The following RETSAT variants were observed in gnomAD, a reference collection of about 807,000 sequenced individuals.
RETSAT encodes all-trans-retinol 13,14-reductase.
A neutral mutation model predicts 61.6 loss-of-function variants in RETSAT; 35 were observed. The ratio of observed to expected loss-of-function variants is 0.57; its 90% CI spans 0.43 to 0.75. RETSAT has a LOEUF of 0.75. Ranked by LOEUF, RETSAT falls within the 30% of genes least tolerant of loss-of-function variation. The pLI is 0.00. For missense variants in RETSAT, 670 were observed against 759.5 expected (o/e 0.88, Z 1.38); for synonymous variants, 277 against 310.4 (o/e 0.89, Z 1.13).
At chr2:85,348,777 G>A (rs555452313) in intron 5 of RETSAT, among the ~76,000 whole-genome samples, 53 of 148,886 alleles carry the variant, frequency 3.6e-4, no homozygotes, top group African/African-American at 7.4e-4. Flanking sequence ...TTGAGATGGC[G>A]TCTCGCTCTG....
chr2:85,354,254 G>T, intron 1 of RETSAT, 82 bp downstream of exon 1: 1 of 1,490,188 alleles, frequency 6.7e-7, no homozygotes, highest in South Asian at 1.2e-5. Flanking sequence ...ACGTCTGGTA[G>T]CGGCTGCCTT....
In RETSAT at chr2:85,349,549, G is replaced by T; in HGVS notation, c.832C>A (p.His278Asn). ...ATGTAGTGGTTGACCAGCAGGGCGT[G>T]CATGGAAAAGGCACTGTGGTTGGGG... Reference protein sequence around the residue: ...VTPNHSAFSMHALLVNHYMKG... With the variant: ...VTPNHSAFSMNALLVNHYMKG... The change falls in exon 5 of 11, where the codon CAC (histidine) becomes AAC (asparagine). Residue 278 changes from histidine (H) to asparagine (N), a missense_variant. By Grantham distance (68) the His-to-Asn change is moderately conservative. Coordinates refer to ENST00000295802, the MANE Select transcript of RETSAT (RefSeq NM_017750.4). 6.2e-7 allele frequency: 1 copy of T among 1,614,196 alleles called. No homozygotes were observed. The highest frequency in any genetic ancestry group is 8.5e-7 in the Non-Finnish European group (1 of 1,180,036).
chr2:85,351,305 C>T, intron 2 of RETSAT: 1 of 479,754 alleles, frequency 2.1e-6, no homozygotes, highest in African/African-American at 1.9e-5. Flanking sequence ...GGAGGTGGAT[C>T]ACTTGAGGTC....
chr2:85,349,426 T>A lies in RETSAT; in HGVS notation c.955A>T (p.Thr319Ser). 1 of 1,614,118 alleles carries A rather than the reference T, an allele frequency of 6.2e-7. No homozygotes were observed. The highest frequency in any genetic ancestry group is 8.5e-7 in the Non-Finnish European group (1 of 1,180,012). Residue 319 changes from threonine to serine, a missense_variant, in exon 5 of 11, where the codon ACT (threonine) becomes TCT (serine). Physicochemically the swap from Thr to Ser is moderately conservative, Grantham distance 58. Transcript: ENST00000295802. ...GAGTCCAGCAACACACTCTGCACAG[T>A]GGCCTTTGTGAGGACAGCGCCCCCA... ...RAGGAVLTKA[T>S]VQSVLLDSAG...
At chr2:85,345,688 G>T (rs1052769744) in intron 6 of RETSAT, 9 of 500,326 alleles carry the variant, frequency 1.8e-5, no homozygotes, top group African/African-American at 1.3e-4. Flanking sequence ...CAGCCCAGAA[G>T]GGTGGGAGGA....
chr2:85,350,735 G>A (rs1390856226), intron 3 of RETSAT, 45 bp downstream of exon 3: 7 of 1,611,602 alleles, frequency 4.3e-6, no homozygotes, highest in African/African-American at 4.0e-5. Context: ...AAGAAACCCA[G>A]CCTTATCGAG....
chr2:85,351,546 C>G, intron 2 of RETSAT, 134 bp downstream of exon 2: 1 of 918,704 alleles, frequency 1.1e-6, no homozygotes, highest in Non-Finnish European at 1.7e-6. Flanking sequence ...CTGAAACAAA[C>G]AAAGAAAAAA....
chr2:85,352,502 G>A (rs1006751864), intron 1 of RETSAT, among the ~76,000 whole-genome samples: 5 of 151,840 alleles, frequency 3.3e-5, no homozygotes, highest in African/African-American at 9.7e-5. Context: ...CGCCTGCCTC[G>A]GCCTCCCAAA....
intron 1 of RETSAT, 58 bp downstream of exon 1, chr2:85,354,278 C>T (rs1683384327): frequency 6.2e-7 from 1 of 1,600,058 alleles, no homozygotes; most frequent in Non-Finnish European, 8.5e-7. Context: ...AAAATGAGAA[C>T]CCAAATCTGT....
chr2:85,345,027 CA>C (rs1393182077), intron 6 of RETSAT, among the ~76,000 whole-genome samples: 3 of 152,146 alleles, frequency 2.0e-5, no homozygotes, highest in East Asian at 1.9e-4. Flanking sequence ...GGTCCTGGGA[CA>C]GGGGAGAAGG....
rs1056012655 is a variant in RETSAT, at chr2:85,344,347, T to C, written c.1258A>G (p.Met420Val). Reference protein sequence around the residue: ...VYYDTDMDQAMERYVSMPREE... With the variant: ...VYYDTDMDQAVERYVSMPREE... ...CTGGGCATGGAGACGTAGCGCTCCATCCTGCATGTGACAAGAGTGTGGTGG... is the reference window on the plus strand; with the variant it reads ...CTGGGCATGGAGACGTAGCGCTCCACCCTGCATGTGACAAGAGTGTGGTGG... Residue 420 changes from methionine to valine, a missense_variant and splice_region_variant, in exon 8 of 11, where the codon ATG becomes GTG. Coordinates refer to ENST00000295802, the MANE Select transcript of RETSAT (RefSeq NM_017750.4). 2 of 1,613,722 alleles carry C rather than the reference T, an allele frequency of 1.2e-6. No homozygotes were observed. The highest frequency in any genetic ancestry group is 3.3e-5 in the Admixed American group (2 of 59,984).
Position 85,343,211 on chromosome 2 carries a change from G to T in RETSAT, c.*31C>A. The T allele has an allele frequency of 1.9e-6, 3 of 1,610,608 alleles. No homozygotes were observed. The highest frequency in any genetic ancestry group is 2.5e-6 in the Non-Finnish European group (3 of 1,177,314). ...GTCAAGGGAGATGCCCCAGCCATTGGGCAAATTCCTCTGACTCCTCCCTGA... is the reference window on the plus strand; with the variant it reads ...GTCAAGGGAGATGCCCCAGCCATTGTGCAAATTCCTCTGACTCCTCCCTGA... On this transcript the variant is annotated 3_prime_UTR_variant, in exon 11 of 11. Coordinates refer to ENST00000295802, the MANE Select transcript of RETSAT (RefSeq NM_017750.4).
rs1239004731 is a variant in RETSAT, at chr2:85,342,030, T to C, written c.*1212A>G. On this transcript the variant is annotated 3_prime_UTR_variant, in exon 11 of 11. Transcript: ENST00000295802. ...TTCAGTATATAGTGTTTTACTGAGC[T>C]TCTGCAAATGCCATCACAATAATAG... The C allele has an allele frequency of 2.1e-6, 1 of 465,492 alleles. No individual in the cohort carries two copies. The highest frequency in any genetic ancestry group is 2.0e-5 in the African/African-American group (1 of 50,472). The allele number at this position is 465,492 out of a possible 1,614,324, so 28.8% of individuals were successfully genotyped here.
chr2:85,342,041 C>A lies in RETSAT; in HGVS notation c.*1201G>T. 1 of 445,328 alleles carries A rather than the reference C, an allele frequency of 2.2e-6. No homozygotes were observed. 27.6% of individuals were successfully genotyped at this position (445,328 alleles called of 1,614,324 possible). A position where few individuals can be genotyped will look rare whatever the true frequency, so the allele number is the denominator to read the frequency against. ...GTGTTTTACTGAGCTTCTGCAAATG[C>A]CATCACAATAATAGTTTTGTTTTCT... On this transcript the variant is annotated 3_prime_UTR_variant, in exon 11 of 11. Transcript: ENST00000295802.
rs753609671 is a variant in RETSAT, at chr2:85,345,964, C to A, written c.1117+11G>T. 6.2e-6 allele frequency: 10 copies of A among 1,614,164 alleles called. No homozygotes were observed. The East Asian group carries it at 1.6e-4, about 25-fold the overall frequency. Reference sequence around the variant, plus strand: ...AACCTGCAAGAGGGGCAGTGCAGACCCGCCTTTTACCTGGCAGGCAGCGGG... The same window carrying A: ...AACCTGCAAGAGGGGCAGTGCAGACACGCCTTTTACCTGGCAGGCAGCGGG... On this transcript the variant is annotated intron_variant, in intron 6 of 10. Transcript: ENST00000295802.
rs1285410799 is a variant in RETSAT at position 85,344,069 on chromosome 2, G to A, written c.1463C>T (p.Thr488Ile). 4 of 1,613,938 alleles carry A rather than the reference G, an allele frequency of 2.5e-6. No individual in the cohort carries two copies. Among genetic ancestry groups the A allele is most frequent in the Non-Finnish European group, 3.4e-6 (4 of 1,180,002 alleles). Reference protein sequence around the residue: ...LKGKRGSDYETFKNSFVEASM... With the variant: ...LKGKRGSDYEIFKNSFVEASM... Reference sequence around the variant, plus strand: ...GGCTTCCACAAAGGAGTTTTTGAAGGTCTCATAGTCACTGCCCCGCTTTCC... The same window carrying A: ...GGCTTCCACAAAGGAGTTTTTGAAGATCTCATAGTCACTGCCCCGCTTTCC... Residue 488 changes from threonine (T) to isoleucine (I), a missense_variant, in exon 9 of 11, where the codon ACC (threonine) becomes ATC (isoleucine). Thr to Ile is a moderately conservative substitution (Grantham distance 89). Transcript: ENST00000295802.
Position 85,350,984 on chromosome 2 carries a change from A to C in RETSAT, c.393T>G (p.Ile131Met), listed in dbSNP as rs1683289719. 1 of 1,614,060 alleles carries C rather than the reference A, an allele frequency of 6.2e-7. No homozygotes were observed. The highest frequency in any genetic ancestry group is 1.3e-5 in the African/African-American group (1 of 74,920). Residue 131 changes from isoleucine (I) to methionine (M), a missense_variant, in exon 3 of 11, where the codon ATT becomes ATG. By Grantham distance (10) the Ile-to-Met change is conservative. Coordinates refer to ENST00000295802, the MANE Select transcript of RETSAT (RefSeq NM_017750.4). ...TGATCTGGTCCAAGATAAAACGGCC[A>C]ATGCTGCCCTCTTCCATACGCCCAA... ...HYIGRMEEGS[I>M]GRFILDQITE...
intron 6 of RETSAT, 160 bp downstream of exon 6, chr2:85,345,815 G>T: frequency 1.1e-6 from 1 of 879,622 alleles, no homozygotes; most frequent in Non-Finnish European, 1.9e-6. Flanking sequence ...AAATGCTAGG[G>T]TTAGGATGAT....
intron 7 of RETSAT, 109 bp from the exon 8 acceptor site, chr2:85,344,457 G>C (rs1026806001): frequency 6.6e-5 from 100 of 1,526,164 alleles, no homozygotes; most frequent in Non-Finnish European, 8.2e-5. Flanking sequence ...GTGAAGCTGA[G>C]CCACAGCCTT....
Sources: gnomAD v4.1 joint callset for allele counts (sites outside exome capture counted in the v4.1 genomes callset) on GRCh38, gnomAD v4.1.1 for gene constraint, MANE v1.5 for transcripts, NCBI Gene and HGNC (gene_info 2026-07-23, HGNC 2026-07-21) for gene names.